The following GPC5 variants were observed in gnomAD, a reference collection of about 807,000 sequenced individuals.
GPC5 encodes the protein glypican-5.
In GPC5, 47 loss-of-function variants were observed where a neutral mutation model predicts 53.9. The observed-to-expected ratio is 0.87, with a 90% confidence interval of 0.69 to 1.11. GPC5 has a LOEUF of 1.11. GPC5 is among the 50% of genes most tolerant of loss of function. The pLI, the probability that GPC5 is intolerant of heterozygous loss-of-function variation, is 0.00. For synonymous variants in GPC5, 286 were observed against 263.3 expected (o/e 1.09, Z -0.84); for missense variants, 748 against 713.1 (o/e 1.05, Z -0.56).
chr13:92,272,267 T>C (rs951511598), intron 7 of GPC5, among the ~76,000 whole-genome samples: 1 of 151,976 alleles, frequency 6.6e-6, no homozygotes, highest in Non-Finnish European at 1.5e-5. Flanking sequence ...AGAAGAAAGG[T>C]AGAAACACAG....
chr13:92,101,269 C>A (rs1180458193), intron 6 of GPC5, among the ~76,000 whole-genome samples: 1 of 152,042 alleles, frequency 6.6e-6, no homozygotes, highest in East Asian at 1.9e-4. Context: ...AATTTTACTA[C>A]TTAATATGCA....
chr13:91,554,937 A>G (rs1295650311), intron 2 of GPC5, among the ~76,000 whole-genome samples: 1 of 152,132 alleles, frequency 6.6e-6, no homozygotes, highest in Admixed American at 6.6e-5. Flanking sequence ...TCAAACAAGA[A>G]AAGAATAAAC....
chr13:92,085,642 C>T (rs943349880), intron 6 of GPC5, among the ~76,000 whole-genome samples: 4 of 152,182 alleles, frequency 2.6e-5, no homozygotes, highest in Non-Finnish European at 5.9e-5. Context: ...AACAGTTATA[C>T]AGCTGATCAT....
At chr13:91,722,876 T>A (rs771170832) in intron 3 of GPC5, among the ~76,000 whole-genome samples, 1 of 152,194 alleles carries the variant, frequency 6.6e-6, no homozygotes, top group Non-Finnish European at 1.5e-5. Context: ...TTTATTTGGT[T>A]TTCCCCAAGA....
intron 7 of GPC5, among the ~76,000 whole-genome samples, chr13:92,541,666 GT>G (rs992821531): frequency 2.2e-4 from 34 of 151,892 alleles, no homozygotes; most frequent in African/African-American, 7.9e-4. Context: ...TATGAAAAGT[GT>G]TTTTGGAGAA....
Position 91,451,249 on chromosome 13 carries a change from T to C in GPC5, c.325+2327T>C, listed in dbSNP as rs866588358. Among the ~76,000 whole-genome samples the C allele has an allele frequency of 3.3e-5, 5 of 152,312 alleles. No homozygotes were observed. The South Asian group carries it at 6.2e-4, about 19-fold the overall frequency. Reference sequence around the variant, plus strand: ...AAATAGTTCATTTATATTTCCTAGTTCAACAATATTAATCTGTTTTCCGAG... The same window carrying C: ...AAATAGTTCATTTATATTTCCTAGTCCAACAATATTAATCTGTTTTCCGAG... On this transcript the variant is annotated intron_variant, in intron 2 of 7. Coordinates refer to ENST00000377067, the MANE Select transcript of GPC5 (RefSeq NM_004466.6).
At chr13:92,703,366 C>A (rs1334473534) in intron 7 of GPC5, among the ~76,000 whole-genome samples, 1 of 151,340 alleles carries the variant, frequency 6.6e-6, no homozygotes, top group Admixed American at 6.6e-5. Context: ...TAGATAATAT[C>A]TAATACTAGA....
intron 7 of GPC5, among the ~76,000 whole-genome samples, chr13:92,225,799 C>G (rs2042481596): frequency 6.6e-6 from 1 of 151,704 alleles, no homozygotes; most frequent in Non-Finnish European, 1.5e-5. Context: ...AGTTTTATGT[C>G]TTTTTTTTCT....
At chr13:92,613,925 T>C (rs935769480) in intron 7 of GPC5, among the ~76,000 whole-genome samples, 6 of 151,724 alleles carry the variant, frequency 4.0e-5, no homozygotes, top group African/African-American at 1.5e-4. Context: ...GTCACACAGA[T>C]GTGAGAATAT....
chr13:91,693,886 G>A lies in GPC5; in HGVS notation c.1020+5G>A. Reference sequence around the variant, plus strand: ...GGACAAAAATTATTGGAACAGGTAAGTAGGAGCTCCACATTTTCAGTCTGA... The same window carrying A: ...GGACAAAAATTATTGGAACAGGTAAATAGGAGCTCCACATTTTCAGTCTGA... On this transcript the variant is annotated splice_donor_5th_base_variant and intron_variant, in intron 3 of 7. Transcript: ENST00000377067. 6.4e-7 allele frequency: 1 copy of A among 1,573,010 alleles called. No homozygotes were observed. Among genetic ancestry groups the A allele is most frequent in the Non-Finnish European group, 8.6e-7 (1 of 1,158,654 alleles).
chr13:91,518,522 T>A (rs545267147), intron 2 of GPC5, among the ~76,000 whole-genome samples: 33 of 152,312 alleles, frequency 2.2e-4, no homozygotes, highest in African/African-American at 7.5e-4. Context: ...CAAAGCTTTA[T>A]AGCTCCATGT....
At chr13:91,708,969 T>G (rs760575394) in intron 3 of GPC5, among the ~76,000 whole-genome samples, 1 of 152,250 alleles carries the variant, frequency 6.6e-6, no homozygotes, top group African/African-American at 2.4e-5. Context: ...GTTTTGTTTG[T>G]TTTCCCCACG....
At chr13:92,056,876 A>G (rs2041078761) in intron 6 of GPC5, among the ~76,000 whole-genome samples, 1 of 152,200 alleles carries the variant, frequency 6.6e-6, no homozygotes, top group Admixed American at 6.5e-5. Context: ...AAGGAGGAAA[A>G]TATCAATTCA....
chr13:91,758,574 C>T (rs1056173064), intron 5 of GPC5, among the ~76,000 whole-genome samples: 2 of 152,032 alleles, frequency 1.3e-5, no homozygotes, highest in Non-Finnish European at 2.9e-5. Flanking sequence ...GTATTTTCAG[C>T]TCAATGAATA....
intron 2 of GPC5, among the ~76,000 whole-genome samples, chr13:91,592,003 G>C (rs894074226): frequency 6.6e-6 from 1 of 152,154 alleles, no homozygotes; most frequent in African/African-American, 2.4e-5. Context: ...TGGAGGTAAA[G>C]GGATACTTGC....
chr13:92,165,835 T>C (rs571157915), intron 7 of GPC5, among the ~76,000 whole-genome samples: 14 of 152,342 alleles, frequency 9.2e-5, no homozygotes, highest in African/African-American at 3.1e-4. Flanking sequence ...TATGTAATCT[T>C]AAAACTCTAT....
intron 6 of GPC5, among the ~76,000 whole-genome samples, chr13:92,007,409 G>T (rs2040617001): frequency 6.6e-6 from 1 of 151,996 alleles, no homozygotes; most frequent in African/African-American, 2.4e-5. Context: ...CTGATATTAG[G>T]TTCATACACG....
At chr13:92,200,993 A>T (rs968416621) in intron 7 of GPC5, among the ~76,000 whole-genome samples, 88 of 151,690 alleles carry the variant, frequency 5.8e-4, no homozygotes, top group African/African-American at 2.0e-3. Context: ...ACACACACAC[A>T]CACACACACA....
intron 7 of GPC5, among the ~76,000 whole-genome samples, chr13:92,152,693 C>T (rs573877171): frequency 2.0e-5 from 3 of 147,532 alleles, no homozygotes; most frequent in Admixed American, 6.8e-5. Context: ...GAGCCCAGAT[C>T]GCACCACTGC....
Sources: gnomAD v4.1 joint callset for allele counts (sites outside exome capture counted in the v4.1 genomes callset) on GRCh38, gnomAD v4.1.1 for gene constraint, MANE v1.5 for transcripts, NCBI Gene and HGNC (gene_info 2026-07-23, HGNC 2026-07-21) for gene names.